FRMPD4: variants seen among roughly 807,000 people sequenced by gnomAD.
FRMPD4 encodes FERM and PDZ domain-containing protein 4.
Under a neutral mutation model 94.1 loss-of-function variants are expected in FRMPD4, and 22 were observed. The ratio of observed to expected loss-of-function variants is 0.23; its 90% CI spans 0.17 to 0.33. The LOEUF (loss-of-function observed/expected upper bound fraction) is 0.33, where lower values mean the gene tolerates loss of function less well. FRMPD4 is among the 10% of genes least tolerant of loss of function. The pLI is 1.00. For synonymous variants in FRMPD4, 631 were observed against 548.6 expected, an observed-to-expected ratio of 1.15 and a Z score of -2.10; for missense variants, 1,111 against 1,339.9, an observed-to-expected ratio of 0.83 and a Z score of 2.67.
intron 2 of FRMPD4, among the ~76,000 whole-genome samples, chrX:12,597,656 C>T (rs2059044493): frequency 8.9e-6 from 1 of 112,417 alleles, no homozygotes; most frequent in South Asian, 3.7e-4. Flanking sequence ...TGTTTAAGAA[C>T]TCCATTAACC....
intron 9 of FRMPD4, among the ~76,000 whole-genome samples, chrX:12,700,475 A>G (rs2060177861): frequency 8.9e-6 from 1 of 111,866 alleles, no homozygotes; most frequent in Admixed American, 9.5e-5. Flanking sequence ...TGAGGATACT[A>G]CTCCAAAGCC....
At chrX:12,209,220 AT>A (rs1338008059) in intron 1 of FRMPD4, among the ~76,000 whole-genome samples, 1 of 112,059 alleles carries the variant, frequency 8.9e-6, no homozygotes, top group African/African-American at 3.2e-5. Flanking sequence ...AGTGGTTTTA[AT>A]TTAGGTCTCA....
chrX:12,258,943 A>T (rs2054152769), intron 1 of FRMPD4, among the ~76,000 whole-genome samples: 1 of 111,622 alleles, frequency 9.0e-6, no homozygotes, highest in Non-Finnish European at 1.9e-5. Flanking sequence ...ATACCTATCA[A>T]CCAACCTCTC....
chrX:12,354,728 T>C (rs1455460678), intron 1 of FRMPD4, among the ~76,000 whole-genome samples: 4 of 112,316 alleles, frequency 3.6e-5, no homozygotes, highest in African/African-American at 1.3e-4. Context: ...GTGATTATTT[T>C]TTTCAAGTAG....
intron 1 of FRMPD4, among the ~76,000 whole-genome samples, chrX:12,173,910 G>A (rs2056261006): frequency 9.0e-6 from 1 of 111,346 alleles, no homozygotes; most frequent in East Asian, 2.8e-4. Flanking sequence ...CTCTGGGGCT[G>A]AGAGCAGGCA....
chrX:12,435,528 A>C (rs1291212032), intron 1 of FRMPD4, among the ~76,000 whole-genome samples: 1 of 106,446 alleles, frequency 9.4e-6, no homozygotes, highest in African/African-American at 3.3e-5. Context: ...TAATGACTTA[A>C]GAGGTTTCCC....
At chrX:12,558,597 A>G (rs1462771995) in intron 2 of FRMPD4, among the ~76,000 whole-genome samples, 1 of 111,869 alleles carries the variant, frequency 8.9e-6, no homozygotes, top group Non-Finnish European at 1.9e-5. Flanking sequence ...ATAGATGTTG[A>G]CTCTTTTCAG....
chrX:12,254,754 G>A (rs112046747), intron 1 of FRMPD4, among the ~76,000 whole-genome samples: 14,639 of 111,190 alleles, frequency 0.13, 719 homozygotes, highest in South Asian at 0.29. Flanking sequence ...GATTGGAGGG[G>A]CTAACACTGT....
In FRMPD4 at chrX:12,717,105, A is replaced by C; in HGVS notation, c.2646A>C (p.Ser882=). The C allele has an allele frequency of 1.7e-6, 2 of 1,180,693 alleles. No individual in the cohort carries two copies. Among genetic ancestry groups the C allele is most frequent in the Non-Finnish European group, 2.3e-6 (2 of 873,815 alleles). The change falls in exon 15 of 17, where the codon TCA becomes TCC. Residue 882 remains serine, a synonymous_variant. Transcript: ENST00000675598. ...TLGALEALSV[S]EEQQTSDNSG... ...GAGCTCTAGAGGCTCTATCCGTGTC[A>C]GAAGAACAGCAGACCAGTGACAATT...
At chrX:12,200,858 T>C (rs959109786) in intron 1 of FRMPD4, among the ~76,000 whole-genome samples, 3 of 112,440 alleles carry the variant, frequency 2.7e-5, no homozygotes, top group African/African-American at 6.5e-5. Context: ...AATGAACATA[T>C]TTAGGGATCA....
chrX:12,654,701 A>G (rs192164739), intron 4 of FRMPD4, among the ~76,000 whole-genome samples: 30 of 111,621 alleles, frequency 2.7e-4, no homozygotes, highest in Non-Finnish European at 4.9e-4. Context: ...GAGGCTAAGA[A>G]TCACTGCTTC....
At chrX:12,133,671 T>C (rs1049234042), upstream of FRMPD4, among the ~76,000 whole-genome samples, 9 of 111,902 alleles carry the variant, frequency 8.0e-5, no homozygotes, top group Middle Eastern at 4.6e-3. Flanking sequence ...ATCTAACCCA[T>C]CAACTGTTCC....
intron 1 of FRMPD4, among the ~76,000 whole-genome samples, chrX:12,433,168 C>G (rs73192437): frequency 1.5e-3 from 163 of 111,813 alleles, no homozygotes; most frequent in African/African-American, 5.1e-3. Flanking sequence ...TATCTTGGAG[C>G]CTGTTTTTGT....
At chrX:12,412,989 A>C (rs1192046553) in intron 1 of FRMPD4, among the ~76,000 whole-genome samples, 3 of 108,607 alleles carry the variant, frequency 2.8e-5, no homozygotes, top group Admixed American at 9.6e-5. Flanking sequence ...AAAAAAAAAA[A>C]CACACATTTA....
intron 3 of FRMPD4, among the ~76,000 whole-genome samples, chrX:12,094,761 C>T (rs1450109460): frequency 8.9e-6 from 1 of 112,551 alleles, no homozygotes. Flanking sequence ...AGCATTGTTG[C>T]ATACATTAAC....
At chrX:11,888,203 G>A (rs2053856296) in intron 3 of FRMPD4, among the ~76,000 whole-genome samples, 1 of 111,661 alleles carries the variant, frequency 9.0e-6, no homozygotes, top group Non-Finnish European at 1.9e-5. Context: ...GTGGATGAGA[G>A]GGCTAAAGAT....
chrX:12,006,409 G>A (rs1232965676), intron 3 of FRMPD4, among the ~76,000 whole-genome samples: 3 of 111,847 alleles, frequency 2.7e-5, no homozygotes, highest in African/African-American at 9.7e-5. Context: ...CTTTAAATTT[G>A]GTGTTAAAAG....
At chrX:12,549,269 C>T (rs1443657317) in intron 2 of FRMPD4, among the ~76,000 whole-genome samples, 1 of 111,912 alleles carries the variant, frequency 8.9e-6, no homozygotes, top group African/African-American at 3.2e-5. Context: ...CAGAACTCTT[C>T]TTTCCTGGGC....
At chrX:12,393,546 T>G (rs758235237) in intron 1 of FRMPD4, among the ~76,000 whole-genome samples, 20 of 112,107 alleles carry the variant, frequency 1.8e-4, no homozygotes, top group Non-Finnish European at 2.8e-4. Flanking sequence ...AGTCATTATA[T>G]TCCACTAATG....
Sources: gnomAD v4.1 joint callset for allele counts (sites outside exome capture counted in the v4.1 genomes callset) on GRCh38, gnomAD v4.1.1 for gene constraint, MANE v1.5 for transcripts, NCBI Gene and HGNC (gene_info 2026-07-23, HGNC 2026-07-21) for gene names.